Variants in ENOX1 observed in about 807,000 individuals in gnomAD.
ENOX1 encodes ecto-NOX disulfide-thiol exchanger 1, also known as candidate growth-related and time keeping constitutive hydroquinone (NADH) oxidase.
ENOX1 carries 42 observed loss-of-function variants against 82.5 expected under a neutral mutation model. The ratio of observed to expected loss-of-function variants is 0.51; its 90% CI spans 0.40 to 0.66. ENOX1 has a LOEUF of 0.66. Among genes scored for constraint, ENOX1 ranks in the 30% least tolerant of loss-of-function variants. The probability of loss-of-function intolerance (pLI) is 0.00; values close to 1 mark genes in which losing one functional copy is unlikely to be tolerated. For synonymous variants in ENOX1, 271 were observed against 282.2 expected, an observed-to-expected ratio of 0.96 and a Z score of 0.40; for missense variants, 608 against 811.6, an observed-to-expected ratio of 0.75 and a Z score of 3.05.
intron 1 of ENOX1, among the ~76,000 whole-genome samples, chr13:43,746,384 C>A (rs771896233): frequency 1.3e-5 from 2 of 151,868 alleles, no homozygotes; most frequent in Non-Finnish European, 2.9e-5. Context: ...AGGAAAAATT[C>A]TTTGGACATT....
intron 16 of ENOX1, among the ~76,000 whole-genome samples, chr13:43,222,079 C>G (rs979706074): frequency 6.6e-6 from 1 of 152,094 alleles, no homozygotes; most frequent in Admixed American, 6.6e-5. Flanking sequence ...GCAGGGGACA[C>G]CTCGTGTGTT....
At chr13:43,655,134 C>T (rs987206518) in intron 2 of ENOX1, among the ~76,000 whole-genome samples, 2 of 152,132 alleles carry the variant, frequency 1.3e-5, no homozygotes, top group African/African-American at 2.4e-5. Flanking sequence ...ATTCCTACCG[C>T]GCTCCTTATT....
At chr13:43,513,228 G>A (rs949797109) in intron 2 of ENOX1, among the ~76,000 whole-genome samples, 2 of 152,076 alleles carry the variant, frequency 1.3e-5, no homozygotes, top group Non-Finnish European at 2.9e-5. Context: ...AGAATGGCTC[G>A]AACCCATGGG....
intron 14 of ENOX1, among the ~76,000 whole-genome samples, chr13:43,242,744 A>C (rs1390712674): frequency 1.3e-5 from 2 of 152,212 alleles, no homozygotes; most frequent in African/African-American, 4.8e-5. Context: ...TATAGAGGTG[A>C]CATGGATGGT....
intron 3 of ENOX1, among the ~76,000 whole-genome samples, chr13:43,440,135 A>G (rs1480423419): frequency 6.6e-6 from 1 of 152,238 alleles, no homozygotes; most frequent in Non-Finnish European, 1.5e-5. Flanking sequence ...CCTGAGAAAT[A>G]GAAGCTAAAC....
chr13:43,427,862 A>C (rs1236961301), intron 3 of ENOX1, among the ~76,000 whole-genome samples: 1 of 152,238 alleles, frequency 6.6e-6, no homozygotes, highest in African/African-American at 2.4e-5. Flanking sequence ...TAGGCTTTCT[A>C]CTAGGCTTGG....
chr13:43,386,218 A>G (rs1391412679), intron 5 of ENOX1, among the ~76,000 whole-genome samples: 1 of 152,170 alleles, frequency 6.6e-6, no homozygotes, highest in Non-Finnish European at 1.5e-5. Flanking sequence ...GGTTCTTTAA[A>G]CAACAACAAC....
intron 12 of ENOX1, among the ~76,000 whole-genome samples, chr13:43,278,299 A>G (rs74064134): frequency 0.043 from 6,607 of 152,174 alleles, 193 homozygotes; most frequent in East Asian, 0.13. Flanking sequence ...CTCACACATG[A>G]CTTAGCTGCA....
chr13:43,274,410 A>C (rs1264963423), intron 12 of ENOX1, among the ~76,000 whole-genome samples: 1 of 152,248 alleles, frequency 6.6e-6, no homozygotes, highest in East Asian at 1.9e-4. Context: ...AACAATGGTG[A>C]TTCAAAACTG....
intron 2 of ENOX1, among the ~76,000 whole-genome samples, chr13:43,654,192 G>A (rs1220812306): frequency 1.3e-5 from 2 of 152,104 alleles, no homozygotes; most frequent in Admixed American, 6.5e-5. Context: ...TCAGGTGAAG[G>A]CCTTAAGAGC....
chr13:43,313,468 G>T (rs2047320197), intron 11 of ENOX1, among the ~76,000 whole-genome samples: 7 of 152,094 alleles, frequency 4.6e-5, no homozygotes, highest in Admixed American at 4.6e-4. Flanking sequence ...AATGTCTAGG[G>T]AGTATTCCTC....
At chr13:43,508,237 G>A (rs1055834462) in intron 2 of ENOX1, among the ~76,000 whole-genome samples, 25 of 151,918 alleles carry the variant, frequency 1.6e-4, no homozygotes, top group Admixed American at 3.3e-4. Context: ...GGGAACTGGC[G>A]TAGGTCCTTT....
At chr13:43,770,710 CACACACACACACAG>C (rs1486499017) in intron 1 of ENOX1, among the ~76,000 whole-genome samples, 2 of 151,718 alleles carry the variant, frequency 1.3e-5, no homozygotes, top group African/African-American at 4.9e-5. Context: ...CACACACACA[CACACACACACACAG>C]ACTCAAGAGA....
At chr13:43,728,936 A>G (rs1292749169) in intron 1 of ENOX1, among the ~76,000 whole-genome samples, 1 of 152,236 alleles carries the variant, frequency 6.6e-6, no homozygotes, top group African/African-American at 2.4e-5. Context: ...ACTGGGAAAG[A>G]AAGACTGGGA....
In ENOX1 at chr13:43,236,729, C is replaced by A; in HGVS notation, c.1621G>T (p.Val541Leu). Residue 541 changes from valine to leucine, a missense_variant, in exon 15 of 17, where the codon GTG (valine) becomes TTG (leucine). Transcript: ENST00000690772. ...HSHEDSNEIN[V>L]LTVALVNQDR... ...TGGTTGACTAATGCAACTGTCAACACATTGATTTCCTATAAAGTTAAAAGC... is the reference window on the plus strand; with the variant it reads ...TGGTTGACTAATGCAACTGTCAACAAATTGATTTCCTATAAAGTTAAAAGC... The A allele has an allele frequency of 6.4e-7, 1 of 1,570,258 alleles. No homozygotes were observed. The highest frequency in any genetic ancestry group is 8.6e-7 in the Non-Finnish European group (1 of 1,166,968).
chr13:43,409,893 C>A (rs1018669584), intron 5 of ENOX1, among the ~76,000 whole-genome samples: 1 of 152,104 alleles, frequency 6.6e-6, no homozygotes, highest in South Asian at 2.1e-4. Flanking sequence ...CGGCTGGTGG[C>A]CCTGAGAACA....
chr13:43,436,337 T>C (rs2056027548), intron 3 of ENOX1, among the ~76,000 whole-genome samples: 1 of 152,192 alleles, frequency 6.6e-6, no homozygotes, highest in Non-Finnish European at 1.5e-5. Flanking sequence ...CATGAAATAC[T>C]AAAACTAGGT....
At chr13:43,249,250 AC>A (rs1161916518) in intron 14 of ENOX1, among the ~76,000 whole-genome samples, 1 of 152,186 alleles carries the variant, frequency 6.6e-6, no homozygotes, top group African/African-American at 2.4e-5. Context: ...ACTATATGCC[AC>A]TGTAGACATA....
chr13:43,332,060 G>C (rs2048438928), intron 9 of ENOX1, among the ~76,000 whole-genome samples: 1 of 152,150 alleles, frequency 6.6e-6, no homozygotes, highest in Non-Finnish European at 1.5e-5. Flanking sequence ...GACATTGTGA[G>C]TCCATTACAG....
Sources: allele counts gnomAD v4.1 joint callset (sites outside exome capture counted in the v4.1 genomes callset), GRCh38; gene constraint gnomAD v4.1.1; transcripts MANE v1.5; gene names NCBI Gene and HGNC (gene_info 2026-07-23, HGNC 2026-07-21).